The following HMBOX1 variants were observed in gnomAD, a reference collection of about 807,000 sequenced individuals.
The protein encoded by HMBOX1 is homeobox containing 1.
Under a neutral mutation model 54.5 loss-of-function variants are expected in HMBOX1, and 14 were observed. The ratio of observed to expected loss-of-function variants is 0.26; its 90% CI spans 0.17 to 0.40. The LOEUF is 0.40. HMBOX1 is among the 10% of genes least tolerant of loss of function. The pLI is 1.00. For missense variants in HMBOX1, 332 were observed against 514.4 expected (o/e 0.65, Z 3.43); for synonymous variants, 160 against 181.0 (o/e 0.88, Z 0.93).
intron 1 of HMBOX1, among the ~76,000 whole-genome samples, chr8:28,959,089 T>C (rs1319819437): frequency 6.6e-6 from 1 of 152,208 alleles, no homozygotes; most frequent in Non-Finnish European, 1.5e-5. Context: ...CTTCACAGTT[T>C]CACAGAAGAT....
intron 6 of HMBOX1, among the ~76,000 whole-genome samples, chr8:29,026,136 A>G (rs1197501094): frequency 2.0e-5 from 3 of 151,500 alleles, no homozygotes; most frequent in Non-Finnish European, 4.4e-5. Context: ...TATATTTCCT[A>G]GCGTGTGTCT....
intron 4 of HMBOX1, among the ~76,000 whole-genome samples, chr8:29,008,456 T>C (rs1249017488): frequency 6.6e-6 from 1 of 152,184 alleles, no homozygotes; most frequent in African/African-American, 2.4e-5. Flanking sequence ...TGAGATTTCT[T>C]AAGAGGTCAT....
chr8:28,892,659 A>T (rs532080754), intron 1 of HMBOX1, among the ~76,000 whole-genome samples: 1 of 152,206 alleles, frequency 6.6e-6, no homozygotes, highest in East Asian at 1.9e-4. Context: ...TTGATTTAAA[A>T]TTTTTGCTGT....
chr8:29,047,562 C>CTT, intron 8 of HMBOX1, 109 bp downstream of exon 8: 30 of 414,220 alleles, frequency 7.2e-5, no homozygotes, highest in South Asian at 2.6e-4. Context: ...ATCCTAACTT[C>CTT]TCTTTTTTTT....
upstream of HMBOX1, chr8:28,890,118 C>G (rs1810579735): frequency 1.8e-6 from 1 of 554,078 alleles, no homozygotes; most frequent in African/African-American, 1.9e-5. Context: ...TCCGTCAGCT[C>G]AAATTCATCC....
intron 2 of HMBOX1, among the ~76,000 whole-genome samples, chr8:28,967,624 A>G (rs1826656144): frequency 6.6e-6 from 1 of 152,218 alleles, no homozygotes; most frequent in Non-Finnish European, 1.5e-5. Flanking sequence ...GAAGTCATCT[A>G]AAGTAAGATC....
In HMBOX1 at chr8:28,970,320, C is replaced by G; in HGVS notation, c.301C>G (p.Pro101Ala). 3.1e-6 allele frequency: 5 copies of G among 1,614,178 alleles called. No homozygotes were observed. Among genetic ancestry groups the G allele is most frequent in the Non-Finnish European group, 4.2e-6 (5 of 1,180,030 alleles). The change falls in exon 3 of 10, where the codon CCT becomes GCT. Residue 101 changes from proline (P) to alanine (A), a missense_variant. Physicochemically the swap from Pro to Ala is conservative, Grantham distance 27. Coordinates refer to ENST00000287701, the MANE Select transcript of HMBOX1 (RefSeq NM_001135726.3). The surrounding 1 kb of genome is among the most constrained non-coding windows in gnomAD (Gnocchi z 4.3). The part of the protein sequence containing the change: ...QTQHSGMSPS[P>A]SNSYDTSPQP... Reference sequence around the variant, plus strand: ...GCAGCATTCGGGAATGTCCCCGTCACCTAGCAACAGTTATGATACTTCCCC... The same window carrying G: ...GCAGCATTCGGGAATGTCCCCGTCAGCTAGCAACAGTTATGATACTTCCCC...
chr8:28,918,611 C>G (rs142522483), intron 1 of HMBOX1, among the ~76,000 whole-genome samples: 1,662 of 152,272 alleles, frequency 0.011, 33 homozygotes, highest in African/African-American at 0.038. Flanking sequence ...TACTTTTAAC[C>G]TCTATAGGGT....
intron 8 of HMBOX1, 42 bp downstream of exon 8, chr8:29,047,495 G>C: frequency 1.0e-6 from 1 of 965,776 alleles, no homozygotes; most frequent in Non-Finnish European, 1.7e-6. Context: ...TGCAGCAGTT[G>C]TGAACGTCAT....
rs117311745 is a variant in HMBOX1 at position 29,010,285 on chromosome 8, C to T, written c.697+1103C>T. 706 of 447,776 alleles carry T rather than the reference C, an allele frequency of 1.6e-3. 4 individuals are homozygous for T. Among genetic ancestry groups the T allele is most frequent in the African/African-American group, 0.014 (637 of 46,948 alleles). 27.7% of individuals were successfully genotyped at this position (447,776 alleles called of 1,614,324 possible). A position where few individuals can be genotyped will look rare whatever the true frequency, so the allele number is the denominator to read the frequency against. On this transcript the variant is annotated intron_variant, in intron 5 of 9. Transcript: ENST00000287701. The stretch of plus-strand genomic sequence containing the variant: ...TAATAATTATTACCATTTGGCTGGG[C>T]GCAGTGGCTCACGCCTGTAATCCCA...
intron 4 of HMBOX1, among the ~76,000 whole-genome samples, chr8:29,007,682 GT>G (rs1833660190): frequency 6.6e-6 from 1 of 151,994 alleles, no homozygotes; most frequent in African/African-American, 2.4e-5. Flanking sequence ...GCTGGATGTG[GT>G]GGGGCCTGGT....
rs71222583 is a variant in HMBOX1, at chr8:28,973,803, G to GTTTTTTTTTTTTTTTTTTTT, written c.500+3296_500+3315dup. 7.3e-4 allele frequency among the ~76,000 whole-genome samples: 53 copies of GTTTTTTTTTTTTTTTTTTTT among 72,648 alleles called. 8 individuals carry two copies. The highest frequency in any genetic ancestry group is 9.0e-4 in the Non-Finnish European group (35 of 38,946). 47.7% of individuals were successfully genotyped at this position (72,648 alleles called of 152,430 possible). A position where few individuals can be genotyped will look rare whatever the true frequency, so the allele number is the denominator to read the frequency against. On this transcript the variant is annotated intron_variant, in intron 3 of 9. Coordinates refer to ENST00000287701, the MANE Select transcript of HMBOX1 (RefSeq NM_001135726.3). ...TAATAATTTCGAGATACATAATGGA[G>GTTTTTTTTTTTTTTTTTTTT]TTTTTTTTTTTTTTTTTTTTTTTTT...
At chr8:28,964,738 G>T (rs1189463928) in intron 2 of HMBOX1, among the ~76,000 whole-genome samples, 1 of 48,496 alleles carries the variant, frequency 2.1e-5, no homozygotes. Context: ...CCCCACCCCA[G>T]TAGATTCTAT....
chr8:28,940,581 G>A (rs1415290427), intron 1 of HMBOX1, among the ~76,000 whole-genome samples: 1 of 152,134 alleles, frequency 6.6e-6, no homozygotes, highest in Non-Finnish European at 1.5e-5. Flanking sequence ...AATAGTTCCT[G>A]GAACACAGTT....
chr8:29,006,910 A>G (rs1833533359), intron 4 of HMBOX1, among the ~76,000 whole-genome samples: 1 of 152,212 alleles, frequency 6.6e-6, no homozygotes, highest in Admixed American at 6.5e-5. Context: ...TGATAGCAAT[A>G]TGAAGAATCC....
chr8:28,890,923 C>T (rs927511813), intron 1 of HMBOX1: 7 of 152,216 alleles, frequency 4.6e-5, no homozygotes, highest in East Asian at 1.9e-4. Context: ...CGACTGCCCC[C>T]CAACTCTTCT....
At position 29,051,563 on chromosome 8, in the gene HMBOX1, T is replaced by C. The variant is rs1377492619; in HGVS notation, c.*408T>C. ...TTTTCCTTCCCCAAGACTGATAGGA[T>C]GCAAGCTGAGGTCGTGGCACAGGAA... is the stretch of plus-strand genomic sequence containing the variant. On this transcript the variant is annotated 3_prime_UTR_variant, in exon 10 of 10. Transcript: ENST00000287701. The C allele has an allele frequency of 7.1e-6, 5 of 702,860 alleles. No homozygotes were observed. Among genetic ancestry groups the C allele is most frequent in the Non-Finnish European group, 1.3e-5 (5 of 384,996 alleles). 43.5% of individuals were successfully genotyped at this position (702,860 alleles called of 1,614,324 possible). A position where few individuals can be genotyped will look rare whatever the true frequency, so the allele number is the denominator to read the frequency against.
At chr8:29,040,030 T>C (rs1441769149) in intron 6 of HMBOX1, among the ~76,000 whole-genome samples, 2 of 152,206 alleles carry the variant, frequency 1.3e-5, no homozygotes, top group Non-Finnish European at 2.9e-5. Context: ...ACTGTTAATG[T>C]TGCCTTTGCC....
chr8:29,050,820 A>G (rs1806338334), intron 9 of HMBOX1, among the ~76,000 whole-genome samples, 198 bp from the exon 10 acceptor site: 1 of 152,196 alleles, frequency 6.6e-6, no homozygotes, highest in Non-Finnish European at 1.5e-5. Flanking sequence ...TTGTTGAATC[A>G]TAAGATTATC....
Sources: allele counts gnomAD v4.1 joint callset (sites outside exome capture counted in the v4.1 genomes callset), GRCh38; gene constraint gnomAD v4.1.1; non-coding constraint Gnocchi (gnomAD v3.1); transcripts MANE v1.5; gene names NCBI Gene and HGNC (gene_info 2026-07-23, HGNC 2026-07-21).